MYO1D: variants seen among roughly 807,000 people sequenced by gnomAD.
MYO1D encodes unconventional myosin-Id.
A neutral mutation model predicts 122.0 loss-of-function variants in MYO1D; 83 were observed. The ratio of observed to expected loss-of-function variants is 0.68; its 90% CI spans 0.57 to 0.82. The LOEUF is 0.82. Among genes scored for constraint, MYO1D ranks in the 40% least tolerant of loss-of-function variants. The probability of loss-of-function intolerance (pLI) is 0.00; values close to 1 mark genes in which losing one functional copy is unlikely to be tolerated. For synonymous variants in MYO1D, 464 were observed against 446.9 expected (o/e 1.04, Z -0.48); for missense variants, 1,157 against 1,269.5 (o/e 0.91, Z 1.35).
chr17:32,545,913 G>A (rs1474428752), intron 21 of MYO1D, among the ~76,000 whole-genome samples: 1 of 151,560 alleles, frequency 6.6e-6, no homozygotes, highest in Non-Finnish European at 1.5e-5. Context: ...CTTTTCTAAA[G>A]GACTTGGGGT....
chr17:32,571,077 A>G (rs1402748294), intron 21 of MYO1D, among the ~76,000 whole-genome samples: 1 of 152,078 alleles, frequency 6.6e-6, no homozygotes, highest in Admixed American at 6.6e-5. Flanking sequence ...GGGAAAAGTA[A>G]ATACAAATGC....
intron 21 of MYO1D, among the ~76,000 whole-genome samples, chr17:32,604,555 A>AC (rs1384425533): frequency 6.6e-6 from 1 of 151,640 alleles, no homozygotes; most frequent in African/African-American, 2.4e-5. Context: ...ATCATTGTTC[A>AC]CCCCCCTGCC....
At chr17:32,512,856 G>A (rs1328478800) in intron 21 of MYO1D, 4 of 152,260 alleles carry the variant, frequency 2.6e-5, no homozygotes, top group Non-Finnish European at 5.9e-5. Flanking sequence ...AGACAAGAAG[G>A]CGATGAGCTG....
chr17:32,693,420 T>C (rs571656059), intron 16 of MYO1D, among the ~76,000 whole-genome samples: 1 of 150,942 alleles, frequency 6.6e-6, no homozygotes, highest in Admixed American at 6.6e-5. Context: ...GAGAAACCAA[T>C]GCAAGCTGTT....
intron 16 of MYO1D, among the ~76,000 whole-genome samples, chr17:32,709,861 A>AT (rs1476897649): frequency 6.6e-6 from 1 of 152,180 alleles, no homozygotes; most frequent in African/African-American, 2.4e-5. Flanking sequence ...AGGAAACATA[A>AT]TAAAAAAATT....
At chr17:32,761,271 A>G (rs2089998908) in intron 8 of MYO1D, among the ~76,000 whole-genome samples, 1 of 151,956 alleles carries the variant, frequency 6.6e-6, no homozygotes, top group African/African-American at 2.4e-5. Flanking sequence ...CTCTTCACCC[A>G]TATCCATTAC....
At chr17:32,522,998 G>A (rs1189538414) in intron 21 of MYO1D, among the ~76,000 whole-genome samples, 1 of 152,142 alleles carries the variant, frequency 6.6e-6, no homozygotes, top group East Asian at 1.9e-4. Context: ...TTGTATTTTA[G>A]TAGAGACGGG....
At chr17:32,556,432 G>A (rs1347410278) in intron 21 of MYO1D, among the ~76,000 whole-genome samples, 2 of 152,154 alleles carry the variant, frequency 1.3e-5, no homozygotes, top group African/African-American at 4.8e-5. Flanking sequence ...GGTGGAGGAA[G>A]CCATTCTAGA....
chr17:32,716,756 C>T lies in MYO1D; in HGVS notation c.1913+4267G>A, dbSNP rs112733862. ...ACTGGATTGCTATCCTACAGCCCCACTGCTCAGCTCCCATGGCAGGCAAGA... is the reference window on the plus strand; with the variant it reads ...ACTGGATTGCTATCCTACAGCCCCATTGCTCAGCTCCCATGGCAGGCAAGA... On this transcript the variant is annotated intron_variant, in intron 15 of 21. Transcript: ENST00000318217. Among the ~76,000 whole-genome samples, 1,299 of 152,374 alleles carry T rather than the reference C, an allele frequency of 8.5e-3. 10 individuals carry two copies. Among genetic ancestry groups the T allele is most frequent in the Non-Finnish European group, 0.012 (849 of 68,030 alleles).
chr17:32,553,928 T>C (rs891498768), intron 21 of MYO1D, among the ~76,000 whole-genome samples: 3 of 152,200 alleles, frequency 2.0e-5, no homozygotes, highest in African/African-American at 4.8e-5. Context: ...TATATCCTTT[T>C]AAAATAAGTA....
chr17:32,531,345 AAG>A (rs1910502214), intron 21 of MYO1D: 1 of 152,198 alleles, frequency 6.6e-6, no homozygotes, highest in Non-Finnish European at 1.5e-5. Context: ...GGAGTGGAGA[AAG>A]AGAGCTGGGT....
At chr17:32,825,855 T>C (rs779714183) in intron 1 of MYO1D, among the ~76,000 whole-genome samples, 1 of 151,904 alleles carries the variant, frequency 6.6e-6, no homozygotes, top group Non-Finnish European at 1.5e-5. Flanking sequence ...CCAGGCAATA[T>C]AGCAAGATCT....
chr17:32,693,684 T>C lies in MYO1D; in HGVS notation c.2121+18304A>G, dbSNP rs764089977. 1.5e-3 allele frequency among the ~76,000 whole-genome samples: 221 copies of C among 152,346 alleles called. 1 individual carries two copies. The highest frequency in any genetic ancestry group is 1.7e-3 in the Non-Finnish European group (119 of 68,026). On this transcript the variant is annotated intron_variant, in intron 16 of 21. Transcript: ENST00000318217. ...ACCCAGGCAACGGATTTGCTGCTCT[T>C]TCAGGAGAGCAAATCATCTGCTTCC... is the stretch of plus-strand genomic sequence containing the variant.
intron 21 of MYO1D, among the ~76,000 whole-genome samples, chr17:32,539,954 C>T (rs892802535): frequency 3.3e-5 from 5 of 152,108 alleles, no homozygotes; most frequent in Non-Finnish European, 5.9e-5. Flanking sequence ...GTTAAAAATA[C>T]GGTCTCTAAA....
rs113056163 is a variant in MYO1D, at chr17:32,624,563, T to A, written c.2709+14159A>T. ...AAGTGAAAACTAAATAAAATAAAAA[T>A]CAGATCTTCTAAATAGCAGGTTAAC... On this transcript the variant is annotated intron_variant, in intron 20 of 21. Transcript: ENST00000318217. Among the ~76,000 whole-genome samples, 135 of 152,246 alleles carry A rather than the reference T, an allele frequency of 8.9e-4. 1 individual carries two copies. Among genetic ancestry groups the A allele is most frequent in the Middle Eastern group, 6.8e-3 (2 of 294 alleles).
chr17:32,867,906 T>C (rs1306365730), intron 1 of MYO1D, among the ~76,000 whole-genome samples: 1 of 143,734 alleles, frequency 7.0e-6, no homozygotes, highest in Non-Finnish European at 1.5e-5. Flanking sequence ...AAATTGGTTA[T>C]AGATTTAAAA....
At chr17:32,526,386 C>T (rs768407533) in intron 21 of MYO1D, among the ~76,000 whole-genome samples, 4 of 152,070 alleles carry the variant, frequency 2.6e-5, no homozygotes, top group East Asian at 1.9e-4. Context: ...TCTATTTTAA[C>T]GTATCAAATA....
intron 21 of MYO1D, among the ~76,000 whole-genome samples, chr17:32,560,081 C>T (rs1398057209): frequency 2.6e-5 from 4 of 151,810 alleles, no homozygotes; most frequent in Non-Finnish European, 5.9e-5. Context: ...ATGGTGAAAC[C>T]CCCATCTCTA....
chr17:32,612,696 C>CAAAAAAAAAAAAAAAAAAA (rs1158470135), intron 20 of MYO1D, among the ~76,000 whole-genome samples: 6 of 104,580 alleles, frequency 5.7e-5, no homozygotes, highest in Non-Finnish European at 7.4e-5. Flanking sequence ...AAAAAAAAAA[C>CAAAAAAAAAAAAAAAAAAA]AAAAAAAAAA....
Sources: gnomAD v4.1 joint callset for allele counts (sites outside exome capture counted in the v4.1 genomes callset) on GRCh38, gnomAD v4.1.1 for gene constraint, MANE v1.5 for transcripts, NCBI Gene and HGNC (gene_info 2026-07-23, HGNC 2026-07-21) for gene names.